XKR9: variants seen among roughly 807,000 people sequenced by gnomAD.
XKR9 encodes the protein XK related 9.
A neutral mutation model predicts 32.0 loss-of-function variants in XKR9; 32 were observed. That is an observed-to-expected ratio of 1.00 (90% CI 0.76 to 1.34). The LOEUF (loss-of-function observed/expected upper bound fraction) is 1.34. Ranked by LOEUF, XKR9 falls within the 40% of genes most tolerant of loss-of-function variation. The probability of loss-of-function intolerance (pLI) is 0.00; values close to 1 mark genes in which losing one functional copy is unlikely to be tolerated. For synonymous variants in XKR9, 168 were observed against 143.4 expected (o/e 1.17, Z -1.22); for missense variants, 546 against 429.7 (o/e 1.27, Z -2.39).
chr8:70,875,640 T>C, the XKR9 span, among the ~76,000 whole-genome samples: 2,556 of 152,258 alleles, frequency 0.017, 59 homozygotes, highest in African/African-American at 0.058. Context: ...ATCATAACAA[T>C]AGAACAGGAT....
chr8:70,716,097 A>G (rs1483551088), intron 4 of XKR9, among the ~76,000 whole-genome samples: 1 of 152,082 alleles, frequency 6.6e-6, no homozygotes, highest in Non-Finnish European at 1.5e-5. Flanking sequence ...GAGTGGGAGA[A>G]TGGTGTTCTA....
the XKR9 span, among the ~76,000 whole-genome samples, chr8:70,868,252 C>G: frequency 1.5e-4 from 23 of 152,224 alleles, 1 homozygote; most frequent in African/African-American, 5.3e-4. Context: ...CTAGGTGGTT[C>G]CCCAGTTGGG....
the XKR9 span, among the ~76,000 whole-genome samples, chr8:70,957,257 T>C: frequency 6.6e-6 from 1 of 152,230 alleles, no homozygotes; most frequent in African/African-American, 2.4e-5. Context: ...AGGTGAGTGA[T>C]AGCCAAACTA....
chr8:70,724,534 G>C (rs941805269), intron 4 of XKR9, among the ~76,000 whole-genome samples: 2 of 152,114 alleles, frequency 1.3e-5, no homozygotes, highest in African/African-American at 2.4e-5. Flanking sequence ...GCACATGAAG[G>C]TTCTCCTGGT....
At chr8:71,020,781 T>A in the XKR9 span, among the ~76,000 whole-genome samples, 6 of 152,352 alleles carry the variant, frequency 3.9e-5, no homozygotes, top group African/African-American at 1.4e-4. Context: ...TCTTCCCTTC[T>A]AGCTATTTTG....
chr8:70,800,363 G>T, the XKR9 span, among the ~76,000 whole-genome samples: 1 of 152,086 alleles, frequency 6.6e-6, no homozygotes, highest in South Asian at 2.1e-4. Context: ...GTATCAGGAT[G>T]ATGCTGGCCT....
intron 3 of XKR9, among the ~76,000 whole-genome samples, chr8:70,686,999 A>C (rs1325696766): frequency 6.6e-6 from 1 of 152,222 alleles, no homozygotes. Flanking sequence ...AAAAATACAC[A>C]GTAAATTATC....
chr8:70,963,877 C>A, the XKR9 span, among the ~76,000 whole-genome samples: 1 of 152,154 alleles, frequency 6.6e-6, no homozygotes, highest in East Asian at 1.9e-4. Flanking sequence ...AGACCTTTGT[C>A]AGATGAATTA....
At chr8:70,852,965 C>T in the XKR9 span, among the ~76,000 whole-genome samples, 2 of 151,746 alleles carry the variant, frequency 1.3e-5, no homozygotes, top group South Asian at 4.2e-4. Flanking sequence ...CAAACCTGCA[C>T]ATTCTGCATA....
At chr8:70,796,927 A>C in the XKR9 span, among the ~76,000 whole-genome samples, 1 of 152,064 alleles carries the variant, frequency 6.6e-6, no homozygotes, top group Non-Finnish European at 1.5e-5. Context: ...GTGTGTATTG[A>C]CCCTTCCAGA....
At chr8:70,742,042 C>T (rs1413075555) in intron 2 of XKR9, among the ~76,000 whole-genome samples, 1 of 150,000 alleles carries the variant, frequency 6.7e-6, no homozygotes. Context: ...ATTTGGATTT[C>T]TTTAATGATT....
At chr8:70,873,534 A>G in the XKR9 span, among the ~76,000 whole-genome samples, 5 of 152,348 alleles carry the variant, frequency 3.3e-5, no homozygotes, top group African/African-American at 7.2e-5. Context: ...CAAGGCTTCA[A>G]TGAAAGAATA....
chr8:70,896,942 A>C, the XKR9 span, among the ~76,000 whole-genome samples: 3 of 152,026 alleles, frequency 2.0e-5, no homozygotes, highest in African/African-American at 7.2e-5. Flanking sequence ...GCCTATAGTC[A>C]CCCTGTTTTG....
the XKR9 span, among the ~76,000 whole-genome samples, chr8:70,909,391 A>G: frequency 6.6e-6 from 1 of 152,094 alleles, no homozygotes; most frequent in African/African-American, 2.4e-5. Context: ...AAATGCAGCA[A>G]TATTCTCTAG....
the XKR9 span, among the ~76,000 whole-genome samples, chr8:70,957,534 C>A: frequency 6.6e-6 from 1 of 152,104 alleles, no homozygotes; most frequent in Non-Finnish European, 1.5e-5. Context: ...TCTCCTCCTC[C>A]CACTCCCCAT....
the XKR9 span, among the ~76,000 whole-genome samples, chr8:71,057,665 C>T: frequency 3.7e-4 from 57 of 152,276 alleles, no homozygotes; most frequent in African/African-American, 1.4e-3. Flanking sequence ...AACATTCCCT[C>T]CTATCCACTC....
the XKR9 span, among the ~76,000 whole-genome samples, chr8:70,834,539 T>C: frequency 6.6e-6 from 1 of 152,162 alleles, no homozygotes; most frequent in Non-Finnish European, 1.5e-5. Flanking sequence ...TCACATTTGA[T>C]GTTGCTTAAA....
At chr8:70,949,535 TACCAAAGGA>T in the XKR9 span, among the ~76,000 whole-genome samples, 1 of 152,214 alleles carries the variant, frequency 6.6e-6, no homozygotes, top group South Asian at 2.1e-4. Flanking sequence ...AACAGCTAAA[TACCAAAGGA>T]ACCTGGAATT....
the XKR9 span, among the ~76,000 whole-genome samples, chr8:70,802,102 A>AT: frequency 2.0e-5 from 3 of 149,718 alleles, no homozygotes; most frequent in South Asian, 2.1e-4. Flanking sequence ...ACGCCCGGCT[A>AT]TTTTTTTGTA....
Sources: gnomAD v4.1 joint callset for allele counts (sites outside exome capture counted in the v4.1 genomes callset) on GRCh38, gnomAD v4.1.1 for gene constraint, MANE v1.5 for transcripts, NCBI Gene and HGNC (gene_info 2026-07-23, HGNC 2026-07-21) for gene names.